The following KIRREL3 variants were observed in gnomAD, a reference collection of about 807,000 sequenced individuals.
The protein encoded by KIRREL3 is kirre like nephrin family adhesion molecule 3, also known as kin of IRRE-like protein 3.
In KIRREL3, 36 loss-of-function variants were observed where a neutral mutation model predicts 89.7. That is an observed-to-expected ratio of 0.40 (90% CI 0.31 to 0.53). The LOEUF (loss-of-function observed/expected upper bound fraction) is 0.53, where lower values mean the gene tolerates loss of function less well. Ranked by LOEUF, KIRREL3 falls within the 20% of genes least tolerant of loss-of-function variation. The pLI, the probability that KIRREL3 is intolerant of heterozygous loss-of-function variation, is 0.49. For synonymous variants in KIRREL3, 445 were observed against 441.4 expected (o/e 1.01, Z -0.10); for missense variants, 864 against 1,056.6 (o/e 0.82, Z 2.53).
At chr11:126,472,731 A>AGAGAGAGAGAGAGAGAGAGAGAGAGAGC (rs1416539561) in intron 5 of KIRREL3, among the ~76,000 whole-genome samples, 1 of 151,666 alleles carries the variant, frequency 6.6e-6, no homozygotes, top group African/African-American at 2.4e-5. Context: ...AGAGAGAGAG[A>AGAGAGAGAGAGAGAGAGAGAGAGAGAGC]GCACAAGTCA....
rs1254978878 is a variant in KIRREL3, at chr11:126,587,912, C to T, written c.56-25000G>A. Among the ~76,000 whole-genome samples, 1 of 152,058 alleles carries T rather than the reference C, an allele frequency of 6.6e-6. No individual in the cohort carries two copies. The highest frequency in any genetic ancestry group is 1.9e-4 in the East Asian group (1 of 5,204). ...ATGAATGACTCTAAGGAGAGCTGGG[C>T]CCTGGTACAGGGAGGGGCAGAGGTC... is the stretch of plus-strand genomic sequence containing the variant. On this transcript the variant is annotated intron_variant, in intron 1 of 16. Transcript: ENST00000525144. The surrounding 1 kb of genome is among the most constrained non-coding windows in gnomAD (Gnocchi z 5.2).
intron 1 of KIRREL3, among the ~76,000 whole-genome samples, chr11:126,826,082 A>G (rs10790840): frequency 0.86 from 131,040 of 151,824 alleles, 56,901 homozygotes; most frequent in East Asian, 1. Context: ...CCCTTTCCAA[A>G]GAAGGCTTGA....
chr11:126,440,414 G>T, intron 11 of KIRREL3, 35 bp downstream of exon 11: 2 of 1,538,094 alleles, frequency 1.3e-6, no homozygotes, highest in Non-Finnish European at 1.8e-6. Context: ...TGGGCTGCTG[G>T]CCCGGCCCCC....
intron 1 of KIRREL3, among the ~76,000 whole-genome samples, chr11:126,713,081 G>A (rs1947825564): frequency 6.6e-6 from 1 of 152,198 alleles, no homozygotes; most frequent in Admixed American, 6.5e-5. Flanking sequence ...CAAAGTGTGA[G>A]AAACCTGAAA....
At chr11:126,654,994 A>G (rs1396020594) in intron 1 of KIRREL3, among the ~76,000 whole-genome samples, 61 of 152,120 alleles carry the variant, frequency 4.0e-4, no homozygotes, top group Non-Finnish European at 1.5e-5. Flanking sequence ...CAGATTTTAC[A>G]TAGGAGGAAG....
chr11:126,650,648 T>A (rs1035791824), intron 1 of KIRREL3, among the ~76,000 whole-genome samples: 1 of 152,332 alleles, frequency 6.6e-6, no homozygotes, highest in African/African-American at 2.4e-5. Flanking sequence ...CATATCACTA[T>A]CAGGCTTCTG....
At position 126,703,598 on chromosome 11, in the gene KIRREL3, A is replaced by G. The variant is rs969745491; in HGVS notation, c.56-140686T>C. Among the ~76,000 whole-genome samples, 6 of 152,252 alleles carry G rather than the reference A, an allele frequency of 3.9e-5. No individual in the cohort carries two copies. In the South Asian group the frequency reaches 6.2e-4, roughly 16 times the overall value. On this transcript the variant is annotated intron_variant, in intron 1 of 16. Coordinates refer to ENST00000525144, the MANE Select transcript of KIRREL3 (RefSeq NM_032531.4). This position sits in a 1 kb window ranked among gnomAD's most constrained non-coding sequence, Gnocchi z 4.6. ...TCGGGAGTGATGGGGCTGTAATCCA[A>G]ATGCTGGGCTGGCTGACTCCTAAGT... is the stretch of plus-strand genomic sequence containing the variant.
At chr11:126,448,088 C>T (rs1420018608) in intron 8 of KIRREL3, among the ~76,000 whole-genome samples, 1 of 151,680 alleles carries the variant, frequency 6.6e-6, no homozygotes, top group Non-Finnish European at 1.5e-5. Context: ...AGATTGAGAC[C>T]ATCCTGGCCA....
At chr11:126,631,710 T>C (rs192647088) in intron 1 of KIRREL3, among the ~76,000 whole-genome samples, 168 of 152,358 alleles carry the variant, frequency 1.1e-3, no homozygotes, top group Admixed American at 3.4e-3. Context: ...GTTAGCACTT[T>C]GTAGCTTTCA....
intron 4 of KIRREL3, among the ~76,000 whole-genome samples, chr11:126,483,697 G>A (rs1957279946): frequency 6.6e-6 from 1 of 152,022 alleles, no homozygotes; most frequent in African/African-American, 2.4e-5. Context: ...CATCTCTGCA[G>A]CTTTCTCCTG....
chr11:126,660,997 C>T (rs528696774), intron 1 of KIRREL3, among the ~76,000 whole-genome samples: 7 of 152,294 alleles, frequency 4.6e-5, no homozygotes, highest in African/African-American at 1.4e-4. Flanking sequence ...TTTACAGAAA[C>T]CTAGTCTCTA....
At chr11:126,637,459 C>T (rs1944310402) in intron 1 of KIRREL3, among the ~76,000 whole-genome samples, 1 of 152,208 alleles carries the variant, frequency 6.6e-6, no homozygotes, top group South Asian at 2.1e-4. Flanking sequence ...TGGGTACTTT[C>T]CTCCCTCCCA....
intron 1 of KIRREL3, among the ~76,000 whole-genome samples, chr11:126,775,930 C>A (rs1950156809): frequency 6.6e-6 from 1 of 152,156 alleles, no homozygotes; most frequent in South Asian, 2.1e-4. Flanking sequence ...CTTGAGACCT[C>A]TGACCCCTAT....
At chr11:126,602,465 T>C (rs931116303) in intron 1 of KIRREL3, among the ~76,000 whole-genome samples, 1 of 152,196 alleles carries the variant, frequency 6.6e-6, no homozygotes, top group African/African-American at 2.4e-5. Context: ...TTTATCTCAC[T>C]TGATCCTCAC....
rs571791128 is a variant in KIRREL3 at position 126,427,530 on chromosome 11, C to T, written c.1806+1649G>A. Among the ~76,000 whole-genome samples, 3 of 152,140 alleles carry T rather than the reference C, an allele frequency of 2.0e-5. No homozygotes were observed. Among genetic ancestry groups the T allele is most frequent in the Admixed American group, 6.5e-5 (1 of 15,284 alleles). On this transcript the variant is annotated intron_variant, in intron 15 of 16. Coordinates refer to ENST00000525144, the MANE Select transcript of KIRREL3 (RefSeq NM_032531.4). This position sits in a 1 kb window ranked among gnomAD's most constrained non-coding sequence, Gnocchi z 5.3. ...AAAATTAGCAGGCAGAGAGAACAGC[C>T]GGTGCACAGGCCTTTGAAGTCCAAA...
rs1349682751 is a variant in KIRREL3, at chr11:126,601,085, G to GC, written c.56-38174dup. 6.6e-6 allele frequency among the ~76,000 whole-genome samples: 1 copy of GC among 150,910 alleles called. No individual in the cohort carries two copies. The highest frequency in any genetic ancestry group is 1.5e-5 in the Non-Finnish European group (1 of 67,840). On this transcript the variant is annotated intron_variant, in intron 1 of 16. Transcript: ENST00000525144. The surrounding 1 kb of genome is among the most constrained non-coding windows in gnomAD (Gnocchi z 5.8). Reference sequence around the variant, plus strand: ...AAACCCTTTGTCCCCCGTCCTCCCAGCCCCCCGATGTTCCAGGAAGCCAAA... The same window carrying GC: ...AAACCCTTTGTCCCCCGTCCTCCCAGCCCCCCCGATGTTCCAGGAAGCCAAA...
chr11:126,490,785 A>G lies in KIRREL3; in HGVS notation c.434-17319T>C, dbSNP rs1477527350. ...CCCAAAGAATGGGTCTGCCTTCTTC[A>G]TCTCTTGCGAGTCTGGGACTCCAAG... On this transcript the variant is annotated intron_variant, in intron 4 of 16. Transcript: ENST00000525144. The surrounding 1 kb of genome is among the most constrained non-coding windows in gnomAD (Gnocchi z 4.2). Among the ~76,000 whole-genome samples, 4 of 152,062 alleles carry G rather than the reference A, an allele frequency of 2.6e-5. No individual in the cohort carries two copies. The highest frequency in any genetic ancestry group is 4.4e-5 in the Non-Finnish European group (3 of 68,024).
intron 1 of KIRREL3, among the ~76,000 whole-genome samples, chr11:126,657,644 C>G (rs1276563183): frequency 6.6e-6 from 1 of 152,146 alleles, no homozygotes; most frequent in Non-Finnish European, 1.5e-5. Flanking sequence ...GACAATGACA[C>G]AGAGACAGTC....
chr11:126,442,752 C>T (rs1358654278), intron 10 of KIRREL3, among the ~76,000 whole-genome samples: 1 of 152,276 alleles, frequency 6.6e-6, no homozygotes, highest in Admixed American at 6.5e-5. Context: ...CCTGGCAGGT[C>T]TGGTGCGCTC....
Sources: gnomAD v4.1 joint callset for allele counts (sites outside exome capture counted in the v4.1 genomes callset) on GRCh38, gnomAD v4.1.1 for gene constraint, Gnocchi (gnomAD v3.1) non-coding constraint, MANE v1.5 for transcripts, NCBI Gene and HGNC (gene_info 2026-07-23, HGNC 2026-07-21) for gene names.